The following CD44 variants were observed in gnomAD, a reference collection of about 807,000 sequenced individuals.
CD44 encodes CD44 antigen.
A neutral mutation model predicts 88.8 loss-of-function variants in CD44; 49 were observed. The observed-to-expected ratio is 0.55, with a 90% CI of 0.44 to 0.70. CD44 has a LOEUF of 0.70. Among genes scored for constraint, CD44 ranks in the 30% least tolerant of loss-of-function variants. CD44 has a pLI of 0.00. For synonymous variants in CD44, 325 were observed against 312.3 expected, an observed-to-expected ratio of 1.04 and a Z score of -0.43; for missense variants, 883 against 913.8, an observed-to-expected ratio of 0.97 and a Z score of 0.43.
chr11:35,150,493 G>A (rs113703722), intron 1 of CD44, among the ~76,000 whole-genome samples: 22 of 152,282 alleles, frequency 1.4e-4, no homozygotes, highest in African/African-American at 4.3e-4. Flanking sequence ...AAGATTGCAC[G>A]ACTTAGGATT....
intron 11 of CD44, among the ~76,000 whole-genome samples, chr11:35,206,676 G>GGT (rs545657362): frequency 6.6e-6 from 1 of 151,664 alleles, no homozygotes; most frequent in Non-Finnish European, 1.5e-5. Context: ...TGGTGGGGGG[G>GGT]GCAGTTTTCC....
chr11:35,147,820 G>A (rs1008428759), intron 1 of CD44, among the ~76,000 whole-genome samples: 1 of 152,060 alleles, frequency 6.6e-6, no homozygotes, highest in African/African-American at 2.4e-5. Context: ...TGGGAAAGGT[G>A]GCTCACACCT....
chr11:35,222,416 A>T (rs905913015), intron 17 of CD44: 17 of 1,296,874 alleles, frequency 1.3e-5, no homozygotes, highest in Non-Finnish European at 1.7e-5. Context: ...GCACTGTTTC[A>T]TCGTCTTCTT....
At chr11:35,147,287 G>A (rs951679085) in intron 1 of CD44, among the ~76,000 whole-genome samples, 2 of 152,192 alleles carry the variant, frequency 1.3e-5, no homozygotes, top group African/African-American at 4.8e-5. Flanking sequence ...GGATGAGGGA[G>A]GGAGAGAAAC....
At chr11:35,227,733 T>C (rs1949802698) in intron 17 of CD44, among the ~76,000 whole-genome samples, 1 of 152,240 alleles carries the variant, frequency 6.6e-6, no homozygotes, top group Non-Finnish European at 1.5e-5. Context: ...GCTTTGTCAC[T>C]ATTACTCCAA....
intron 1 of CD44, among the ~76,000 whole-genome samples, chr11:35,164,204 C>T (rs1942996826): frequency 6.6e-6 from 1 of 151,948 alleles, no homozygotes. Context: ...AGCAGAGAGG[C>T]ACAGCTTTGG....
chr11:35,166,465 T>G (rs1943281186), intron 1 of CD44, among the ~76,000 whole-genome samples: 1 of 151,878 alleles, frequency 6.6e-6, no homozygotes, highest in Non-Finnish European at 1.5e-5. Flanking sequence ...ACAGTACTGT[T>G]CTCCAAACTC....
chr11:35,190,006 C>T lies in CD44; in HGVS notation c.608C>T (p.Pro203Leu). 6.2e-7 allele frequency: 1 copy of T among 1,614,180 alleles called. No homozygotes were observed. Among genetic ancestry groups the T allele is most frequent in the African/African-American group, 1.3e-5 (1 of 75,054 alleles). The stretch of plus-strand genomic sequence containing the variant: ...TTTTACACCTTTTCTACTGTACACC[C>T]CATCCCAGACGAAGACAGTCCCTGG... The part of the protein sequence containing the change: ...YIFYTFSTVH[P>L]IPDEDSPWIT... Residue 203 changes from proline to leucine, a missense_variant, in exon 5 of 18, where the codon CCC becomes CTC. Pro to Leu is a moderately conservative substitution (Grantham distance 98, BLOSUM62 -3). Around this residue, in one of 2 missense-constraint regions of CD44, gnomAD observed 252 missense variants for 322.9 expected, o/e 0.78. Transcript: ENST00000428726.
intron 4 of CD44, 46 bp from the exon 5 acceptor site, chr11:35,189,788 CA>C: frequency 7.7e-7 from 1 of 1,297,938 alleles, no homozygotes; most frequent in East Asian, 2.4e-5. Flanking sequence ...TCCACATACT[CA>C]AAATATGAGC....
At chr11:35,191,149 C>T (rs1946231858) in intron 5 of CD44, among the ~76,000 whole-genome samples, 1 of 152,160 alleles carries the variant, frequency 6.6e-6, no homozygotes, top group Non-Finnish European at 1.5e-5. Context: ...AAACTTGGGC[C>T]TCCAAAGAGT....
intron 1 of CD44, among the ~76,000 whole-genome samples, chr11:35,166,349 T>G (rs1278465107): frequency 2.6e-5 from 4 of 151,878 alleles, no homozygotes; most frequent in Non-Finnish European, 5.9e-5. Context: ...GACATATACT[T>G]TCTTTTGCCA....
chr11:35,162,124 A>G (rs900622968), intron 1 of CD44, among the ~76,000 whole-genome samples: 1 of 152,196 alleles, frequency 6.6e-6, no homozygotes, highest in African/African-American at 2.4e-5. Context: ...CCAGCCCCCA[A>G]GATTGTATCT....
chr11:35,161,077 T>A (rs977508846), intron 1 of CD44, among the ~76,000 whole-genome samples: 1 of 152,196 alleles, frequency 6.6e-6, no homozygotes, highest in Non-Finnish European at 1.5e-5. Context: ...CTGAAAGTGG[T>A]TGACCAGTTA....
chr11:35,168,622 C>T (rs1943554494), intron 1 of CD44, among the ~76,000 whole-genome samples: 1 of 152,140 alleles, frequency 6.6e-6, no homozygotes, highest in Admixed American at 6.5e-5. Flanking sequence ...AATCTGGAAC[C>T]AAAAATCTAA....
At chr11:35,197,882 T>C in intron 6 of CD44, 1 of 471,112 alleles carries the variant, frequency 2.1e-6, no homozygotes, top group Non-Finnish European at 3.8e-6. Flanking sequence ...ATGTCCACAC[T>C]TATTCTTTCA....
At chr11:35,223,842 T>C (rs1949499579) in intron 17 of CD44, among the ~76,000 whole-genome samples, 1 of 152,180 alleles carries the variant, frequency 6.6e-6, no homozygotes, top group African/African-American at 2.4e-5. Flanking sequence ...GAGTGTCACA[T>C]TTAAGAGAAA....
At chr11:35,199,424 C>G (rs1426594469) in intron 7 of CD44, among the ~76,000 whole-genome samples, 1 of 151,490 alleles carries the variant, frequency 6.6e-6, no homozygotes, top group African/African-American at 2.4e-5. Flanking sequence ...GACTCCATCA[C>G]AGTTCTGCTT....
chr11:35,214,439 A>G (rs1309339936), intron 14 of CD44, among the ~76,000 whole-genome samples: 1 of 152,180 alleles, frequency 6.6e-6, no homozygotes, highest in Non-Finnish European at 1.5e-5. Flanking sequence ...TGCAGTGATT[A>G]TGTTTCTCAT....
At chr11:35,208,927 C>T (rs554166836) in intron 12 of CD44, among the ~76,000 whole-genome samples, 130 of 152,064 alleles carry the variant, frequency 8.5e-4, no homozygotes, top group Admixed American at 1.7e-3. Flanking sequence ...TCATATGAGC[C>T]CTTTAGGCAA....
Sources: gnomAD v4.1 joint callset for allele counts (sites outside exome capture counted in the v4.1 genomes callset) on GRCh38, gnomAD v4.1.1 for gene constraint, gnomAD v4.1.1 regional missense constraint, MANE v1.5 for transcripts, NCBI Gene and HGNC (gene_info 2026-07-23, HGNC 2026-07-21) for gene names.